The following BLTP1 variants were observed in gnomAD, a reference collection of about 807,000 sequenced individuals.
BLTP1 encodes the protein bridge-like lipid transfer protein family member 1, also known as fragile site-associated protein.
the BLTP1 span, chr4:122,324,327 G>A: frequency 8.0e-7 from 1 of 1,249,248 alleles, no homozygotes; most frequent in Non-Finnish European, 1.1e-6. Context: ...GTCCCCTGGG[G>A]AAAACAACTT....
the BLTP1 span, among the ~76,000 whole-genome samples, chr4:122,242,561 A>G: frequency 1.9e-4 from 29 of 152,296 alleles, no homozygotes; most frequent in African/African-American, 6.7e-4. Context: ...GTTCAATTTG[A>G]TTAGTCAGGT....
chr4:122,252,146 C>T, the BLTP1 span, among the ~76,000 whole-genome samples: 1 of 152,196 alleles, frequency 6.6e-6, no homozygotes, highest in Admixed American at 6.5e-5. Context: ...TAACCAGCAG[C>T]AGTACCCAGG....
At chr4:122,205,219 C>A in the BLTP1 span, among the ~76,000 whole-genome samples, 1 of 151,734 alleles carries the variant, frequency 6.6e-6, no homozygotes, top group Admixed American at 6.6e-5. Context: ...TTAAATATTT[C>A]ACAGTTTTAC....
At chr4:122,271,932 G>T in the BLTP1 span, among the ~76,000 whole-genome samples, 5 of 152,054 alleles carry the variant, frequency 3.3e-5, 1 homozygote, top group Non-Finnish European at 7.4e-5. Flanking sequence ...TACGTGGTAT[G>T]TTCTTAAAGG....
the BLTP1 span, among the ~76,000 whole-genome samples, chr4:122,321,444 A>G: frequency 1.1e-4 from 12 of 110,064 alleles, no homozygotes; most frequent in African/African-American, 4.2e-4. Flanking sequence ...ATACACATGC[A>G]CACACATTTA....
the BLTP1 span, chr4:122,192,177 T>C: frequency 1.9e-6 from 3 of 1,581,868 alleles, no homozygotes; most frequent in East Asian, 2.3e-5. Flanking sequence ...AAGGAAACTT[T>C]TTAATGGCCA....
At chr4:122,309,580 G>T in the BLTP1 span, 1 of 1,027,032 alleles carries the variant, frequency 9.7e-7, no homozygotes, top group Non-Finnish European at 1.4e-6. Flanking sequence ...CTTTGAGAAA[G>T]AAGGGCTATT....
At chr4:122,359,764 T>A in the BLTP1 span, 10 of 1,539,938 alleles carry the variant, frequency 6.5e-6, no homozygotes, top group Non-Finnish European at 8.7e-6. Flanking sequence ...GCTAAGGGAT[T>A]ACTATGAGCA....
At chr4:122,355,981 T>C in the BLTP1 span, 1 of 1,605,132 alleles carries the variant, frequency 6.2e-7, no homozygotes. Context: ...ACAGGAGCCT[T>C]CATTACAGGG....
the BLTP1 span, chr4:122,186,019 G>T: frequency 6.6e-7 from 1 of 1,510,440 alleles, no homozygotes; most frequent in Admixed American, 2.3e-5. Flanking sequence ...AAATTTTTTT[G>T]TAATTGGTGT....
the BLTP1 span, chr4:122,229,266 G>A: frequency 6.4e-7 from 1 of 1,552,578 alleles, no homozygotes; most frequent in Admixed American, 2.0e-5. Context: ...GGCTGGTGTA[G>A]TGCTTTTTCG....
At chr4:122,353,710 C>T in the BLTP1 span, 3 of 1,296,578 alleles carry the variant, frequency 2.3e-6, no homozygotes, top group South Asian at 1.7e-5. The surrounding 1 kb of genome is among the most constrained non-coding windows in gnomAD (Gnocchi z 4.3). Context: ...TTTTTATAGC[C>T]TTCCTATATA....
the BLTP1 span, chr4:122,172,363 G>A: frequency 2.9e-6 from 2 of 698,710 alleles, no homozygotes; most frequent in Non-Finnish European, 3.5e-6. Context: ...TTCCTGTTTT[G>A]CCTTTTGTAT....
chr4:122,181,770 G>A, the BLTP1 span, among the ~76,000 whole-genome samples: 1 of 151,766 alleles, frequency 6.6e-6, no homozygotes, highest in Non-Finnish European at 1.5e-5. Context: ...TACTTTTGAA[G>A]GACATTGAGT....
chr4:122,164,016 A>G, the BLTP1 span, among the ~76,000 whole-genome samples: 5 of 151,930 alleles, frequency 3.3e-5, no homozygotes, highest in Non-Finnish European at 7.4e-5. Context: ...TCCATTTTAC[A>G]CTCAAGGCTA....
the BLTP1 span, chr4:122,259,936 T>C: frequency 2.2e-6 from 2 of 905,990 alleles, no homozygotes; most frequent in African/African-American, 3.6e-5. Context: ...AAAATGATAA[T>C]TTTGACAATA....
chr4:122,176,675 G>GT, the BLTP1 span, among the ~76,000 whole-genome samples: 1 of 151,796 alleles, frequency 6.6e-6, no homozygotes, highest in Non-Finnish European at 1.5e-5. Context: ...TCCAGTGTAG[G>GT]TTTTTTCTAT....
the BLTP1 span, chr4:122,318,096 TCTTA>T: frequency 6.4e-7 from 1 of 1,556,770 alleles, no homozygotes; most frequent in Non-Finnish European, 8.7e-7. Flanking sequence ...AAAAAATCAG[TCTTA>T]CTTTGTTATT....
At chr4:122,327,178 G>A in the BLTP1 span, among the ~76,000 whole-genome samples, 3 of 151,280 alleles carry the variant, frequency 2.0e-5, no homozygotes, top group Non-Finnish European at 4.4e-5. Flanking sequence ...TCCTGAGTTA[G>A]TGACATGGTG....
Sources: gnomAD v4.1 joint callset for allele counts (sites outside exome capture counted in the v4.1 genomes callset) on GRCh38, gnomAD v4.1.1 for gene constraint, Gnocchi (gnomAD v3.1) non-coding constraint, MANE v1.5 for transcripts, NCBI Gene and HGNC (gene_info 2026-07-23, HGNC 2026-07-21) for gene names.